HDAC4: variants seen among roughly 807,000 people sequenced by gnomAD.
HDAC4 encodes histone deacetylase A.
Under a neutral mutation model 135.1 loss-of-function variants are expected in HDAC4, and 16 were observed. That is an observed-to-expected ratio of 0.12 (90% CI 0.08 to 0.18). The LOEUF is 0.18. HDAC4 is among the 10% of genes least tolerant of loss of function. HDAC4 has a pLI of 1.00. For missense variants in HDAC4, 1,143 were observed against 1,511.8 expected, an observed-to-expected ratio of 0.76 and a Z score of 4.05; for synonymous variants, 685 against 653.4, an observed-to-expected ratio of 1.05 and a Z score of -0.74.
At chr2:239,235,076 T>TA (rs1420966597) in intron 3 of HDAC4, among the ~76,000 whole-genome samples, 1 of 152,056 alleles carries the variant, frequency 6.6e-6, no homozygotes, top group Non-Finnish European at 1.5e-5. Flanking sequence ...ATCTGGTACT[T>TA]AAAGCTCCCC....
At chr2:239,387,131 C>A (rs542119284) in intron 1 of HDAC4, among the ~76,000 whole-genome samples, 2 of 152,352 alleles carry the variant, frequency 1.3e-5, no homozygotes, top group African/African-American at 2.4e-5. Flanking sequence ...CACGCACGTA[C>A]ATGTGTGTTG....
Position 239,306,685 on chromosome 2 carries a change from C to A in HDAC4, c.22+45993G>T, listed in dbSNP as rs73100781. Among the ~76,000 whole-genome samples, 595 of 152,266 alleles carry A rather than the reference C, an allele frequency of 3.9e-3. 4 individuals carry two copies. Among genetic ancestry groups the A allele is most frequent in the African/African-American group, 0.014 (574 of 41,544 alleles). ...CCCAGGTGATGGCAGAACCCAGGTCCTCGGGCGCAGAGCATCCAGGGCCCA... is the reference window on the plus strand; with the variant it reads ...CCCAGGTGATGGCAGAACCCAGGTCATCGGGCGCAGAGCATCCAGGGCCCA... On this transcript the variant is annotated intron_variant, in intron 2 of 26. Transcript: ENST00000543185. This position sits in a 1 kb window ranked among gnomAD's most constrained non-coding sequence, Gnocchi z 4.5.
chr2:239,245,384 C>T lies in HDAC4; in HGVS notation c.23-8720G>A, dbSNP rs2048406050. On this transcript the variant is annotated intron_variant, in intron 2 of 26. Transcript: ENST00000543185. The surrounding 1 kb of genome is among the most constrained non-coding windows in gnomAD (Gnocchi z 4.4). ...GGAAATTTCAGATATGCCCACCAGT[C>T]CCGATGTTTTGGTCTGGATTTGAAC... is the stretch of plus-strand genomic sequence containing the variant. Among the ~76,000 whole-genome samples, 1 of 152,144 alleles carries T rather than the reference C, an allele frequency of 6.6e-6. No individual in the cohort carries two copies. The highest frequency in any genetic ancestry group is 1.5e-5 in the Non-Finnish European group (1 of 68,020).
In HDAC4 at chr2:239,179,135, CAT is replaced by C. The variant is rs1170822347; in HGVS notation, c.340-2574_340-2573del. Among the ~76,000 whole-genome samples the C allele has an allele frequency of 5.3e-5, 8 of 152,002 alleles. No individual in the cohort carries two copies. The East Asian group carries it at 1.4e-3, about 26-fold the overall frequency. ...CGAGGCAGCCACCGGACGCCTGAGG[CAT>C]AGAGTGGGGTGTGCGTGCGAGGCAG... On this transcript the variant is annotated intron_variant, in intron 4 of 26. Coordinates refer to ENST00000543185, the MANE Select transcript of HDAC4 (RefSeq NM_001378414.1).
chr2:239,350,762 G>A (rs564893101), intron 2 of HDAC4, among the ~76,000 whole-genome samples: 169 of 152,250 alleles, frequency 1.1e-3, no homozygotes, highest in Non-Finnish European at 1.8e-3. Context: ...CTGACCTTCC[G>A]AAGTGCTGGG....
chr2:239,391,357 C>A (rs150609136), intron 1 of HDAC4, among the ~76,000 whole-genome samples: 5 of 152,192 alleles, frequency 3.3e-5, no homozygotes, highest in Admixed American at 3.3e-4. Context: ...TTCGGGGAGA[C>A]GTCCACCACA....
chr2:239,210,176 C>T (rs2046285974), intron 3 of HDAC4, among the ~76,000 whole-genome samples: 1 of 152,176 alleles, frequency 6.6e-6, no homozygotes, highest in Non-Finnish European at 1.5e-5. Context: ...GCATTAACTA[C>T]AAACCGCCCA....
At chr2:239,372,644 ACAAG>A (rs2126013105) in intron 1 of HDAC4, among the ~76,000 whole-genome samples, 1 of 152,376 alleles carries the variant, frequency 6.6e-6, no homozygotes, top group South Asian at 2.1e-4. Flanking sequence ...GGCAACACGC[ACAAG>A]CAAGCAGTTT....
At chr2:239,067,750 G>C (rs1010104230) in intron 23 of HDAC4, among the ~76,000 whole-genome samples, 1 of 152,202 alleles carries the variant, frequency 6.6e-6, no homozygotes, top group Non-Finnish European at 1.5e-5. Context: ...CCCTCCCCAC[G>C]CAAGGACCTG....
At chr2:239,279,662 A>C (rs4852041) in intron 2 of HDAC4, among the ~76,000 whole-genome samples, 63,203 of 152,018 alleles carry the variant, frequency 0.42, 13,943 homozygotes, top group East Asian at 0.56. Flanking sequence ...CAGCCCCCAC[A>C]GTGCCTCCCA....
intron 2 of HDAC4, among the ~76,000 whole-genome samples, chr2:239,283,706 C>T (rs1019852295): frequency 3.3e-5 from 5 of 152,200 alleles, no homozygotes; most frequent in East Asian, 1.9e-4. Flanking sequence ...AACCCACTTC[C>T]GCGAGCGGTA....
intron 3 of HDAC4, among the ~76,000 whole-genome samples, chr2:239,233,333 G>C (rs765992405): frequency 1.6e-4 from 24 of 151,942 alleles, no homozygotes; most frequent in Admixed American, 6.6e-4. Context: ...AATCCAAAAT[G>C]CCTCCAAATC....
At chr2:239,074,565 T>C (rs1305797253) in intron 22 of HDAC4, among the ~76,000 whole-genome samples, 2 of 152,254 alleles carry the variant, frequency 1.3e-5, no homozygotes, top group Non-Finnish European at 2.9e-5. Context: ...CACGTGAGGC[T>C]GCGTGGGGCA....
At chr2:239,268,744 G>C (rs949528333) in intron 2 of HDAC4, among the ~76,000 whole-genome samples, 1 of 152,216 alleles carries the variant, frequency 6.6e-6, no homozygotes, top group Non-Finnish European at 1.5e-5. Flanking sequence ...CAGAGATCCA[G>C]GTGTGAGAAC....
intron 12 of HDAC4, among the ~76,000 whole-genome samples, chr2:239,122,318 C>T (rs2039764754): frequency 6.6e-6 from 1 of 152,192 alleles, no homozygotes; most frequent in South Asian, 2.1e-4. Context: ...GGACACCTTC[C>T]AACGAACGTC....
chr2:239,340,776 G>A (rs1291902200), intron 2 of HDAC4, among the ~76,000 whole-genome samples: 2 of 152,066 alleles, frequency 1.3e-5, no homozygotes, highest in Admixed American at 6.6e-5. Flanking sequence ...TGCAGTCCTC[G>A]GCCCAAGTCC....
intron 26 of HDAC4, 123 bp from the exon 27 acceptor site, chr2:239,053,259 G>A: frequency 3.6e-6 from 5 of 1,385,908 alleles, no homozygotes; most frequent in Non-Finnish European, 5.0e-6. Context: ...TGGCCTGGCA[G>A]CCCCGGGTCC....
At chr2:239,166,093 T>C (rs997453339) in intron 5 of HDAC4, among the ~76,000 whole-genome samples, 5 of 152,224 alleles carry the variant, frequency 3.3e-5, no homozygotes, top group Non-Finnish European at 7.3e-5. Flanking sequence ...CCAAATGTCT[T>C]TGCTGCCACT....
chr2:239,166,527 C>G (rs527422937), intron 5 of HDAC4, among the ~76,000 whole-genome samples: 1 of 152,052 alleles, frequency 6.6e-6, no homozygotes, highest in African/African-American at 2.4e-5. Context: ...TCAGGGCACC[C>G]GGCGTTAGAC....
Sources: allele counts gnomAD v4.1 joint callset (sites outside exome capture counted in the v4.1 genomes callset), GRCh38; gene constraint gnomAD v4.1.1; non-coding constraint Gnocchi (gnomAD v3.1); transcripts MANE v1.5; gene names NCBI Gene and HGNC (gene_info 2026-07-23, HGNC 2026-07-21).